RTN4: variants seen among roughly 807,000 people sequenced by gnomAD.
The protein encoded by RTN4 is reticulon-4.
RTN4 carries 32 observed loss-of-function variants against 90.4 expected under a neutral mutation model. The ratio of observed to expected loss-of-function variants is 0.35; its 90% CI spans 0.27 to 0.48. The LOEUF is 0.48. Among genes scored for constraint, RTN4 ranks in the 20% least tolerant of loss-of-function variants. The pLI is 0.99. For synonymous variants in RTN4, 629 were observed against 552.5 expected (o/e 1.14, Z -1.94); for missense variants, 1,706 against 1,430.2 (o/e 1.19, Z -3.11).
At chr2:55,095,378 C>T (rs1378094297) in intron 1 of RTN4, among the ~76,000 whole-genome samples, 1 of 151,742 alleles carries the variant, frequency 6.6e-6, no homozygotes, top group African/African-American at 2.4e-5. Context: ...TTAATCACAT[C>T]ATCATCTACC....
intron 3 of RTN4, among the ~76,000 whole-genome samples, chr2:55,006,007 C>T (rs1253213968): frequency 6.6e-6 from 1 of 151,978 alleles, no homozygotes; most frequent in Non-Finnish European, 1.5e-5. Flanking sequence ...TTAGCAATAA[C>T]CTGATTTAAC....
chr2:55,059,692 G>A (rs1668255417), intron 2 of RTN4, among the ~76,000 whole-genome samples: 1 of 151,926 alleles, frequency 6.6e-6, no homozygotes, highest in African/African-American at 2.4e-5. Context: ...AAATTAGCTG[G>A]GTGTCATGGC....
At chr2:55,041,414 T>C (rs1231250296) in intron 1 of RTN4, among the ~76,000 whole-genome samples, 1 of 151,914 alleles carries the variant, frequency 6.6e-6, no homozygotes, top group East Asian at 1.9e-4. Context: ...TAAGATGAAG[T>C]AGAAAATTAT....
At chr2:55,124,360 C>T in the RTN4 span, among the ~76,000 whole-genome samples, 1 of 152,330 alleles carries the variant, frequency 6.6e-6, no homozygotes, top group East Asian at 1.9e-4. Flanking sequence ...GAGGCAAAGT[C>T]TCTGATAGAT....
At chr2:55,023,342 T>C (rs987813153) in intron 3 of RTN4, among the ~76,000 whole-genome samples, 2 of 152,178 alleles carry the variant, frequency 1.3e-5, no homozygotes, top group Admixed American at 6.5e-5. Context: ...TTGGTTTCCC[T>C]AGTCAGAGGT....
chr2:55,089,402 A>G (rs549486032), intron 1 of RTN4, among the ~76,000 whole-genome samples: 1 of 152,306 alleles, frequency 6.6e-6, no homozygotes, highest in East Asian at 1.9e-4. Context: ...GGGCTAGAGC[A>G]GGGTCTCTGT....
chr2:55,111,491 C>G (rs1303396451), intron 1 of RTN4, among the ~76,000 whole-genome samples: 2 of 152,220 alleles, frequency 1.3e-5, no homozygotes, highest in Admixed American at 6.5e-5. Flanking sequence ...GTTCCTCACT[C>G]CTGTTCGCAT....
At chr2:55,014,468 T>C (rs1294876886) in intron 3 of RTN4, 1 of 152,192 alleles carries the variant, frequency 6.6e-6, no homozygotes, top group Non-Finnish European at 1.5e-5. Context: ...GTGCAGGGGC[T>C]ATGCTAATCT....
At chr2:55,056,002 G>C (rs577461798) in intron 2 of RTN4, among the ~76,000 whole-genome samples, 2 of 138,438 alleles carry the variant, frequency 1.4e-5, no homozygotes, top group African/African-American at 5.6e-5. Context: ...GTGTGTGTGT[G>C]TGTATATATA....
chr2:55,096,559 C>A (rs952720134), intron 1 of RTN4, among the ~76,000 whole-genome samples: 7 of 152,214 alleles, frequency 4.6e-5, no homozygotes, highest in South Asian at 2.1e-4. Context: ...TCTCAGCATC[C>A]TGCACCACGT....
intron 2 of RTN4, among the ~76,000 whole-genome samples, chr2:55,058,953 G>A (rs540067045): frequency 5.9e-5 from 9 of 151,832 alleles, no homozygotes; most frequent in Non-Finnish European, 1.2e-4. Flanking sequence ...AGTGATCGTC[G>A]CCACCTCGGC....
Position 55,027,398 on chromosome 2 carries a change from G to A in RTN4, c.701C>T (p.Ser234Phe). 6.2e-7 allele frequency: 1 copy of A among 1,613,708 alleles called. No homozygotes were observed. Among genetic ancestry groups the A allele is most frequent in the Admixed American group, 1.7e-5 (1 of 59,946 alleles). Reference sequence around the variant, plus strand: ...TGAGAGAGGAGACAGAGAAGGAAGAGAAGCAGCAGTTTCAAGCAGGACAGA... The same window carrying A: ...TGAGAGAGGAGACAGAGAAGGAAGAAAAGCAGCAGTTTCAAGCAGGACAGA... Reference protein sequence around the residue: ...FPSVLLETAASLPSLSPLSAA... With the variant: ...FPSVLLETAAFLPSLSPLSAA... The change falls in exon 3 of 9, where the codon TCT becomes TTT. Residue 234 changes from serine to phenylalanine, a missense_variant. Coordinates refer to ENST00000337526, the MANE Select transcript of RTN4 (RefSeq NM_020532.5).
At position 55,028,220 on chromosome 2, in the gene RTN4, T is replaced by A. The variant is rs1384908187; in HGVS notation, c.557A>T (p.Asp186Val). ...AGCAGGAAGAGCAAAAAGGGTCTCA[T>A]CTGAAAAACAAATAGAATATAACCT... ...PKRRGSSGSVDETLFALPAAS... is the reference protein window; with the variant it reads ...PKRRGSSGSVVETLFALPAAS... Residue 186 changes from aspartate to valine, a missense_variant and splice_region_variant, in exon 2 of 9, where the codon GAT (aspartate) becomes GTT (valine). By Grantham distance (152) the Asp-to-Val change is radical (BLOSUM62 -3). Transcript: ENST00000337526. The A allele has an allele frequency of 1.2e-6, 2 of 1,612,414 alleles. No homozygotes were observed. The highest frequency in any genetic ancestry group is 8.5e-7 in the Non-Finnish European group (1 of 1,179,092).
chr2:55,061,219 C>G (rs1573490372), intron 2 of RTN4, among the ~76,000 whole-genome samples: 1 of 152,034 alleles, frequency 6.6e-6, no homozygotes, highest in South Asian at 2.1e-4. Flanking sequence ...GCGCACGCCA[C>G]CACACCCAGC....
At chr2:55,075,523 A>G (rs113486993) in intron 2 of RTN4, among the ~76,000 whole-genome samples, 1 of 152,234 alleles carries the variant, frequency 6.6e-6, no homozygotes, top group Non-Finnish European at 1.5e-5. Context: ...GCCAAAAGCA[A>G]TCTACAAACT....
At chr2:55,016,082 G>C (rs1246525361) in intron 3 of RTN4, among the ~76,000 whole-genome samples, 5 of 151,594 alleles carry the variant, frequency 3.3e-5, no homozygotes, top group African/African-American at 9.7e-5. Flanking sequence ...CAATAACAAA[G>C]GAACAATCTA....
chr2:54,977,370 T>C (rs1677719376), intron 5 of RTN4, among the ~76,000 whole-genome samples: 1 of 151,100 alleles, frequency 6.6e-6, no homozygotes. Flanking sequence ...TAGATTTTAG[T>C]GTTCTTCTGG....
intron 2 of RTN4, among the ~76,000 whole-genome samples, chr2:55,078,415 T>C (rs945051245): frequency 6.6e-6 from 1 of 152,168 alleles, no homozygotes; most frequent in Non-Finnish European, 1.5e-5. Context: ...AGTTTTGCCA[T>C]ATTATTTTTA....
At position 55,092,305 on chromosome 2, in the gene RTN4, A is replaced by C. The variant is rs1304156723; in HGVS notation, c.-213-11666T>G. On this transcript the variant is annotated intron_variant, in intron 1 of 3. Coordinates refer to the RTN4 transcript ENST00000427710. ...GGCTGGAGTGTAATGGCATGATCTC[A>C]GCTCACCGTAACCTCCACCTCCTGG... 2.7e-5 allele frequency among the ~76,000 whole-genome samples: 4 copies of C among 147,272 alleles called. No individual in the cohort carries two copies. The Admixed American group carries it at 2.8e-4, about 10-fold the overall frequency.
Sources: allele counts gnomAD v4.1 joint callset (sites outside exome capture counted in the v4.1 genomes callset), GRCh38; gene constraint gnomAD v4.1.1; transcripts MANE v1.5; gene names NCBI Gene and HGNC (gene_info 2026-07-23, HGNC 2026-07-21).